Variants in GFRA1 observed in about 807,000 individuals in gnomAD.
GFRA1 encodes the protein GDNF family receptor alpha-1.
In GFRA1, 16 loss-of-function variants were observed where a neutral mutation model predicts 51.6. That is an observed-to-expected ratio of 0.31 (90% confidence interval 0.21 to 0.47). The LOEUF (loss-of-function observed/expected upper bound fraction) is 0.47. Ranked by LOEUF, GFRA1 falls within the 20% of genes least tolerant of loss-of-function variation. The pLI, the probability that GFRA1 is intolerant of heterozygous loss-of-function variation, is 1.00. For missense variants in GFRA1, 530 were observed against 594.3 expected, an observed-to-expected ratio of 0.89 and a Z score of 1.13; for synonymous variants, 270 against 241.3, an observed-to-expected ratio of 1.12 and a Z score of -1.10.
intron 10 of GFRA1, among the ~76,000 whole-genome samples, chr10:116,065,056 G>C (rs1266062083): frequency 6.6e-6 from 1 of 152,108 alleles, no homozygotes; most frequent in African/African-American, 2.4e-5. Context: ...CCTTCCCCAG[G>C]ATAGAGTCCT....
rs1276224155 is a variant in GFRA1 at position 116,200,316 on chromosome 10, AT to A, written c.433+11314del. 1.2e-4 allele frequency among the ~76,000 whole-genome samples: 18 copies of A among 152,322 alleles called. 2 individuals carry two copies. The South Asian group carries it at 3.5e-3, about 30-fold the overall frequency. On this transcript the variant is annotated intron_variant, in intron 5 of 10. Coordinates refer to ENST00000355422, the MANE Select transcript of GFRA1 (RefSeq NM_005264.8). Reference sequence around the variant, plus strand: ...CTGTTCCCTTCAAGATGACTATGTAATGTACTCATAAAGAATTCAGACGAAT... The same window carrying A: ...CTGTTCCCTTCAAGATGACTATGTAAGTACTCATAAAGAATTCAGACGAAT...
At chr10:116,087,840 T>C (rs1263361423) in intron 9 of GFRA1, among the ~76,000 whole-genome samples, 1 of 152,182 alleles carries the variant, frequency 6.6e-6, no homozygotes, top group Admixed American at 6.5e-5. Flanking sequence ...GCTGGAGGAC[T>C]CTGAACACAT....
intron 4 of GFRA1, among the ~76,000 whole-genome samples, chr10:116,239,371 C>A (rs1051188597): frequency 6.6e-6 from 1 of 152,120 alleles, no homozygotes; most frequent in Non-Finnish European, 1.5e-5. Flanking sequence ...TAAAGTAAAT[C>A]ATTATAAAAT....
chr10:116,106,122 G>A (rs1027086794), intron 6 of GFRA1, among the ~76,000 whole-genome samples: 9 of 152,260 alleles, frequency 5.9e-5, no homozygotes, highest in African/African-American at 2.2e-4. Context: ...ATGAGCCTGC[G>A]TGGGGAAAGG....
chr10:116,158,340 G>A (rs1194841623), intron 5 of GFRA1, among the ~76,000 whole-genome samples: 1 of 152,196 alleles, frequency 6.6e-6, no homozygotes, highest in East Asian at 1.9e-4. Flanking sequence ...TAAACTCCAT[G>A]AGGGCTGGCA....
chr10:116,258,335 G>A (rs1348145222), intron 4 of GFRA1, among the ~76,000 whole-genome samples: 1 of 145,628 alleles, frequency 6.9e-6, no homozygotes, highest in African/African-American at 2.5e-5. Context: ...TCTAAAATAA[G>A]TATAAATGTA....
chr10:116,202,963 A>C lies in GFRA1; in HGVS notation c.433+8668T>G, dbSNP rs1192143511. On this transcript the variant is annotated intron_variant, in intron 5 of 10. Transcript: ENST00000355422. ...GAGGAATCAATCCATCCAAAGGCATAGGGGCAGCCGTGGATGAGCATTTTG... is the reference window on the plus strand; with the variant it reads ...GAGGAATCAATCCATCCAAAGGCATCGGGGCAGCCGTGGATGAGCATTTTG... Among the ~76,000 whole-genome samples the C allele has an allele frequency of 2.0e-5, 3 of 152,196 alleles. No homozygotes were observed. In the South Asian group the frequency reaches 6.2e-4, roughly 31 times the overall value.
At chr10:116,181,985 G>A (rs1962274217) in intron 5 of GFRA1, among the ~76,000 whole-genome samples, 1 of 152,172 alleles carries the variant, frequency 6.6e-6, no homozygotes, top group Non-Finnish European at 1.5e-5. Context: ...AAGAAACTCA[G>A]CAAGCTCTGT....
At chr10:116,093,893 T>TA (rs1956464813) in intron 7 of GFRA1, 57 bp from the exon 8 acceptor site, 2 of 1,559,096 alleles carry the variant, frequency 1.3e-6, no homozygotes, top group African/African-American at 2.7e-5. Context: ...TTCCATGGCC[T>TA]AAAAAGAAAC....
At chr10:116,192,376 C>A (rs1217130218) in intron 5 of GFRA1, among the ~76,000 whole-genome samples, 1 of 152,190 alleles carries the variant, frequency 6.6e-6, no homozygotes, top group Non-Finnish European at 1.5e-5. Context: ...CCTCAGGTGT[C>A]AGGGGCATTC....
Position 116,062,311 on chromosome 10 carries a change from T to G in GFRA1, c.*2087A>C. On this transcript the variant is annotated 3_prime_UTR_variant, in exon 11 of 11. Coordinates refer to ENST00000355422, the MANE Select transcript of GFRA1 (RefSeq NM_005264.8). ...GATATGCGCTCATAGATAACTGGCA[T>G]TCCAAATATTTTGACACACTTACTT... The G allele has an allele frequency of 2.5e-6, 1 of 394,340 alleles. No individual in the cohort carries two copies. The allele number at this position is 394,340 out of a possible 1,614,324, so 24.4% of individuals were successfully genotyped here.
At chr10:116,146,699 T>A (rs1018770720) in intron 5 of GFRA1, among the ~76,000 whole-genome samples, 1 of 152,148 alleles carries the variant, frequency 6.6e-6, no homozygotes, top group Admixed American at 6.5e-5. Flanking sequence ...CAAAGCCAAA[T>A]GTATCCCCAA....
chr10:116,168,551 G>A (rs980037248), intron 5 of GFRA1, among the ~76,000 whole-genome samples: 1 of 152,120 alleles, frequency 6.6e-6, no homozygotes, highest in Non-Finnish European at 1.5e-5. Context: ...CACTCCACTT[G>A]CTCATCAGGC....
At chr10:116,099,744 C>T (rs1956744062) in intron 6 of GFRA1, among the ~76,000 whole-genome samples, 1 of 152,098 alleles carries the variant, frequency 6.6e-6, no homozygotes, top group Non-Finnish European at 1.5e-5. Flanking sequence ...TTATATAACC[C>T]ACAATCTAGG....
chr10:116,174,135 T>G (rs999224415), intron 5 of GFRA1, among the ~76,000 whole-genome samples: 3 of 66,450 alleles, frequency 4.5e-5, no homozygotes, highest in Non-Finnish European at 9.0e-5. Context: ...TTCAACAAAT[T>G]AGGCCTTCTC....
intron 4 of GFRA1, among the ~76,000 whole-genome samples, chr10:116,257,646 C>CCTGTGTGT (rs1968976706): frequency 6.6e-6 from 1 of 152,138 alleles, no homozygotes; most frequent in African/African-American, 2.4e-5. Flanking sequence ...ATCCAGAGCC[C>CCTGTGTGT]CTGTGTGTGC....
At chr10:116,266,133 G>C (rs2134792605) in intron 4 of GFRA1, among the ~76,000 whole-genome samples, 1 of 152,284 alleles carries the variant, frequency 6.6e-6, no homozygotes, top group South Asian at 2.1e-4. Context: ...TGGCTAAAGT[G>C]AATGTGGGTT....
intron 5 of GFRA1, among the ~76,000 whole-genome samples, chr10:116,140,624 C>G (rs1958521306): frequency 6.6e-6 from 1 of 151,924 alleles, no homozygotes; most frequent in African/African-American, 2.4e-5. Context: ...AACATATACT[C>G]TGAAATTGGT....
intron 5 of GFRA1, among the ~76,000 whole-genome samples, chr10:116,205,596 G>GATATATATATATATATAT (rs140642664): frequency 2.6e-4 from 36 of 140,592 alleles, no homozygotes; most frequent in African/African-American, 8.3e-4. Flanking sequence ...AAAAAAAAAA[G>GATATATATATATATATAT]ATATATATAT....
Sources: gnomAD v4.1 joint callset for allele counts (sites outside exome capture counted in the v4.1 genomes callset) on GRCh38, gnomAD v4.1.1 for gene constraint, MANE v1.5 for transcripts, NCBI Gene and HGNC (gene_info 2026-07-23, HGNC 2026-07-21) for gene names.